PRSS12: variants seen among roughly 807,000 people sequenced by gnomAD.
PRSS12 encodes neurotrypsin.
Under a neutral mutation model 104.4 loss-of-function variants are expected in PRSS12, and 85 were observed. The observed-to-expected ratio is 0.81, with a 90% CI of 0.68 to 0.98. PRSS12 has a LOEUF of 0.98. Among genes scored for constraint, PRSS12 ranks in the 50% least tolerant of loss-of-function variants. The pLI, the probability that PRSS12 is intolerant of heterozygous loss-of-function variation, is 0.00. For synonymous variants in PRSS12, 454 were observed against 425.2 expected (o/e 1.07, Z -0.83); for missense variants, 1,141 against 1,139.2 (o/e 1.00, Z -0.02).
At chr4:118,317,141 T>C (rs1427172403) in intron 5 of PRSS12, among the ~76,000 whole-genome samples, 1 of 152,062 alleles carries the variant, frequency 6.6e-6, no homozygotes, top group African/African-American at 2.4e-5. Flanking sequence ...GCATATATTA[T>C]TTGTTAGGCA....
intron 10 of PRSS12, among the ~76,000 whole-genome samples, 194 bp downstream of exon 10, chr4:118,295,584 G>A (rs1160702574): frequency 6.6e-6 from 1 of 152,128 alleles, no homozygotes; most frequent in Non-Finnish European, 1.5e-5. Context: ...CTTAAATCAG[G>A]CTGGTATAAG....
chr4:118,282,572 A>C (rs899474169), intron 12 of PRSS12, among the ~76,000 whole-genome samples: 2 of 152,224 alleles, frequency 1.3e-5, no homozygotes, highest in African/African-American at 4.8e-5. Context: ...GAATGCATTA[A>C]TGCTGGTTTC....
intron 8 of PRSS12, among the ~76,000 whole-genome samples, chr4:118,307,402 T>C (rs1011920199): frequency 4.6e-5 from 7 of 152,132 alleles, no homozygotes; most frequent in African/African-American, 1.7e-4. Flanking sequence ...AAAATAACCA[T>C]ATGAAGTGTT....
chr4:118,338,089 G>A (rs1724105801), intron 2 of PRSS12, 87 bp downstream of exon 2: 1 of 1,537,150 alleles, frequency 6.5e-7, no homozygotes. Flanking sequence ...AAGAAACAAA[G>A]ATACAAGCTT....
rs188235495 is a variant in PRSS12, at chr4:118,352,743, G to A, written c.-23C>T. The A allele has an allele frequency of 8.2e-4, 1,315 of 1,611,390 alleles. 15 individuals are homozygous for A. In the African/African-American group the frequency reaches 0.016, roughly 20 times the overall value. ...CATGGTGCCAGCGCTGCGGGGTCTGGTCCATGCTCCCCAGCTTCTCGGGCT... is the reference window on the plus strand; with the variant it reads ...CATGGTGCCAGCGCTGCGGGGTCTGATCCATGCTCCCCAGCTTCTCGGGCT... On this transcript the variant is annotated 5_prime_UTR_variant, in exon 1 of 13. Transcript: ENST00000296498.
chr4:118,299,134 C>T (rs1743329070), intron 8 of PRSS12, among the ~76,000 whole-genome samples, 196 bp from the exon 9 acceptor site: 1 of 152,194 alleles, frequency 6.6e-6, no homozygotes, highest in South Asian at 2.1e-4. Flanking sequence ...CCATACTCCA[C>T]AGCTACTTTA....
At chr4:118,330,167 G>A (rs1723882164) in intron 4 of PRSS12, among the ~76,000 whole-genome samples, 1 of 152,106 alleles carries the variant, frequency 6.6e-6, no homozygotes, top group African/African-American at 2.4e-5. Context: ...GTCAGTTTCA[G>A]GGGGAAATCT....
In PRSS12 at chr4:118,316,192, A is replaced by C; in HGVS notation, c.1282T>G (p.Leu428Val). 6.2e-7 allele frequency: 1 copy of C among 1,614,056 alleles called. No individual in the cohort carries two copies. ...ELNTYVVCRQ[L>V]GFKYGKQASA... ...ATTAATGAACCTTACTTAAATCCCAATTGTCGACAAACCACGTATGTATTC... is the reference window on the plus strand; with the variant it reads ...ATTAATGAACCTTACTTAAATCCCACTTGTCGACAAACCACGTATGTATTC... Residue 428 changes from leucine to valine, a missense_variant, in exon 6 of 13, where the codon TTG (leucine) becomes GTG (valine). Leu to Val is a conservative substitution (Grantham distance 32). Transcript: ENST00000296498.
At chr4:118,282,583 G>A (rs570525805) in intron 12 of PRSS12, among the ~76,000 whole-genome samples, 3 of 152,234 alleles carry the variant, frequency 2.0e-5, no homozygotes, top group East Asian at 3.9e-4. Context: ...TGCTGGTTTC[G>A]CATTAGCACA....
intron 2 of PRSS12, among the ~76,000 whole-genome samples, chr4:118,336,615 A>C (rs141320393): frequency 2.0e-5 from 3 of 152,154 alleles, no homozygotes; most frequent in Non-Finnish European, 4.4e-5. Flanking sequence ...CAGCTGGATC[A>C]GCTTATCTGA....
chr4:118,289,208 A>G lies in PRSS12; in HGVS notation c.2039+5731T>C, dbSNP rs1743078542. ...ATATAAAAGAGTGACTATGCTATGA[A>G]GGCAAACAAATAAACATAAAAAGTT... On this transcript the variant is annotated intron_variant, in intron 11 of 12. Coordinates refer to ENST00000296498, the MANE Select transcript of PRSS12 (RefSeq NM_003619.4). 2.0e-5 allele frequency among the ~76,000 whole-genome samples: 3 copies of G among 152,222 alleles called. No homozygotes were observed. In the South Asian group the frequency reaches 6.2e-4, roughly 31 times the overall value.
intron 11 of PRSS12, among the ~76,000 whole-genome samples, chr4:118,290,780 C>T (rs1743109574): frequency 6.6e-6 from 1 of 152,036 alleles, no homozygotes; most frequent in Non-Finnish European, 1.5e-5. Context: ...AGATCCAAGT[C>T]TCCTTCTGTT....
intron 4 of PRSS12, among the ~76,000 whole-genome samples, chr4:118,328,301 ATT>A (rs936041108): frequency 6.6e-6 from 1 of 152,186 alleles, no homozygotes; most frequent in Non-Finnish European, 1.5e-5. Context: ...CTGGATTGTT[ATT>A]TGTTACAAGT....
rs10002349 is a variant in PRSS12, at chr4:118,311,237, A to T, written c.1489+1964T>A. Among the ~76,000 whole-genome samples, 1,054 of 152,210 alleles carry T rather than the reference A, an allele frequency of 6.9e-3. 11 individuals carry two copies. The highest frequency in any genetic ancestry group is 0.023 in the African/African-American group (969 of 41,530). On this transcript the variant is annotated intron_variant, in intron 7 of 12. Coordinates refer to ENST00000296498, the MANE Select transcript of PRSS12 (RefSeq NM_003619.4). The stretch of plus-strand genomic sequence containing the variant: ...CCCAGAAATTTCTGCCAACTCACAT[A>T]ACTGTATTCTTACTAGAATTACTTT...
intron 4 of PRSS12, among the ~76,000 whole-genome samples, chr4:118,323,171 C>T (rs557901948): frequency 6.8e-4 from 104 of 151,964 alleles, no homozygotes; most frequent in Admixed American, 3.1e-3. Flanking sequence ...TGGAAACTGA[C>T]TTAGAGAACA....
chr4:118,327,779 T>C (rs1723813653), intron 4 of PRSS12, among the ~76,000 whole-genome samples: 1 of 152,222 alleles, frequency 6.6e-6, no homozygotes, highest in Non-Finnish European at 1.5e-5. Flanking sequence ...TCTAATTTTC[T>C]AACATCTGGC....
At chr4:118,283,505 T>C (rs1241576992) in intron 11 of PRSS12, among the ~76,000 whole-genome samples, 1 of 152,240 alleles carries the variant, frequency 6.6e-6, no homozygotes, top group Non-Finnish European at 1.5e-5. Flanking sequence ...AGAAACTAAC[T>C]TTGTGTCCCT....
intron 8 of PRSS12, among the ~76,000 whole-genome samples, chr4:118,299,612 G>A (rs920890200): frequency 3.3e-5 from 5 of 150,660 alleles, no homozygotes; most frequent in South Asian, 2.1e-4. Context: ...CCGAAGAGGC[G>A]GAAGCTGCAG....
intron 7 of PRSS12, among the ~76,000 whole-genome samples, chr4:118,312,666 T>G (rs1578917365): frequency 1.3e-5 from 2 of 152,234 alleles, no homozygotes; most frequent in Admixed American, 6.5e-5. Flanking sequence ...AATAACAAGT[T>G]ACACTAGAAA....
Sources: allele counts gnomAD v4.1 joint callset (sites outside exome capture counted in the v4.1 genomes callset), GRCh38; gene constraint gnomAD v4.1.1; transcripts MANE v1.5; gene names NCBI Gene and HGNC (gene_info 2026-07-23, HGNC 2026-07-21).